The following MCM8 variants were observed in gnomAD, a reference collection of about 807,000 sequenced individuals.
The protein encoded by MCM8 is minichromosome maintenance 8 homologous recombination repair factor.
In MCM8, 85 loss-of-function variants were observed where a neutral mutation model predicts 98.9. The observed-to-expected ratio is 0.86, with a 90% CI of 0.72 to 1.03. The LOEUF is 1.03. Ranked by LOEUF, MCM8 falls within the 50% of genes least tolerant of loss-of-function variation. The pLI, the probability that MCM8 is intolerant of heterozygous loss-of-function variation, is 0.00. For synonymous variants in MCM8, 352 were observed against 338.6 expected, an observed-to-expected ratio of 1.04 and a Z score of -0.44; for missense variants, 951 against 997.8, an observed-to-expected ratio of 0.95 and a Z score of 0.63.
intron 17 of MCM8, among the ~76,000 whole-genome samples, chr20:5,991,832 A>G (rs2089858948): frequency 1.3e-5 from 2 of 152,168 alleles, no homozygotes. Flanking sequence ...GACCTTAGTA[A>G]TGATTCATTC....
intron 8 of MCM8, 124 bp from the exon 9 acceptor site, chr20:5,967,312 T>C: frequency 1.4e-6 from 1 of 732,770 alleles, no homozygotes; most frequent in Non-Finnish European, 2.1e-6. Flanking sequence ...AGATATACCA[T>C]TAAACTGTTA....
Position 5,952,452 on chromosome 20 carries a change from A to T in MCM8, c.177A>T (p.Thr59=). 2 of 1,614,000 alleles carry T rather than the reference A, an allele frequency of 1.2e-6. No individual in the cohort carries two copies. The highest frequency in any genetic ancestry group is 1.7e-6 in the Non-Finnish European group (2 of 1,179,988). The part of the protein sequence containing the change: ...SEQTPQFLLS[T]KTPQSMQSTL... ...AAACCCCACAGTTTTTGCTTTCAAC[A>T]AAGACCCCACAGTCAATGCAGTCAA... The change falls in exon 3 of 19, where the codon ACA becomes ACT. Residue 59 remains threonine (T), a synonymous_variant. Coordinates refer to ENST00000610722, the MANE Select transcript of MCM8 (RefSeq NM_032485.6).
intron 17 of MCM8, 57 bp from the exon 18 acceptor site, chr20:5,993,449 A>G: frequency 1.5e-6 from 2 of 1,367,286 alleles, no homozygotes; most frequent in South Asian, 2.0e-5. Context: ...AAAGCCCAGG[A>G]CAACAATTTC....
rs750790535 is a variant in MCM8 at position 5,955,270 on chromosome 20, C to G, written c.486+19C>G. On this transcript the variant is annotated intron_variant, in intron 5 of 18. Transcript: ENST00000610722. The stretch of plus-strand genomic sequence containing the variant: ...ACATCAGGTAACTATTTGTCTTATG[C>G]ATACTTTTGTCTAAACTTTTTTAAT... The G allele has an allele frequency of 6.2e-7, 1 of 1,602,954 alleles. No individual in the cohort carries two copies. Among genetic ancestry groups the G allele is most frequent in the Admixed American group, 1.7e-5 (1 of 57,332 alleles).
At chr20:5,954,366 T>G (rs930142856) in intron 3 of MCM8, among the ~76,000 whole-genome samples, 1 of 152,226 alleles carries the variant, frequency 6.6e-6, no homozygotes, top group African/African-American at 2.4e-5. Context: ...CAAAACAAAG[T>G]TTCCCAGATA....
intron 13 of MCM8, among the ~76,000 whole-genome samples, chr20:5,982,354 T>G (rs1003781348): frequency 6.6e-6 from 1 of 152,154 alleles, no homozygotes; most frequent in Non-Finnish European, 1.5e-5. Context: ...GACCCCCAGA[T>G]ACTAACCTAA....
Position 5,976,141 on chromosome 20 carries a change from A to C in MCM8, c.1396-1735A>C, listed in dbSNP as rs114884875. The stretch of plus-strand genomic sequence containing the variant: ...ATCCCATCTCTAAAAACAATTTTAA[A>C]AAAAATTAGGTGTGGTGGCATGTGC... On this transcript the variant is annotated intron_variant, in intron 12 of 18. Transcript: ENST00000610722. 6.1e-3 allele frequency among the ~76,000 whole-genome samples: 933 copies of C among 152,294 alleles called. 11 individuals are homozygous for C. Among genetic ancestry groups the C allele is most frequent in the African/African-American group, 0.021 (890 of 41,546 alleles).
chr20:5,972,611 G>C (rs776104822), intron 11 of MCM8: 45 of 464,448 alleles, frequency 9.7e-5, no homozygotes, highest in Non-Finnish European at 1.7e-4. Flanking sequence ...CTAGAGTACA[G>C]TGGTGCGATC....
At chr20:5,968,559 T>A (rs975879056) in intron 10 of MCM8, among the ~76,000 whole-genome samples, 7 of 151,950 alleles carry the variant, frequency 4.6e-5, no homozygotes, top group Non-Finnish European at 8.8e-5. Flanking sequence ...AAAAAAAAAA[T>A]TCTGATTTCA....
intron 13 of MCM8, among the ~76,000 whole-genome samples, chr20:5,981,336 C>T (rs1269914171): frequency 1.3e-5 from 2 of 152,144 alleles, no homozygotes; most frequent in African/African-American, 2.4e-5. Flanking sequence ...GATCTTAGCA[C>T]AGGCAGGGAA....
At chr20:5,982,881 A>T in intron 13 of MCM8, 89 bp from the exon 14 acceptor site, 1 of 1,085,244 alleles carries the variant, frequency 9.2e-7, no homozygotes, top group Non-Finnish European at 1.3e-6. Flanking sequence ...AAATGGAAAT[A>T]ATTATTGTGA....
intron 10 of MCM8, among the ~76,000 whole-genome samples, chr20:5,969,763 T>C (rs1033333250): frequency 6.6e-5 from 10 of 152,172 alleles, no homozygotes; most frequent in African/African-American, 2.4e-4. Context: ...TCCCTCTGAA[T>C]AAAAGCCATT....
intron 17 of MCM8, among the ~76,000 whole-genome samples, chr20:5,992,731 C>G (rs561299109): frequency 1.9e-4 from 29 of 152,246 alleles, no homozygotes; most frequent in Non-Finnish European, 3.8e-4. Flanking sequence ...AGGGATTATA[C>G]CTGTTTTGTT....
chr20:5,954,083 A>G lies in MCM8; in HGVS notation c.254-525A>G, dbSNP rs563651078. 7.9e-5 allele frequency among the ~76,000 whole-genome samples: 12 copies of G among 152,250 alleles called. No homozygotes were observed. In the South Asian group the frequency reaches 2.5e-3, roughly 32 times the overall value. On this transcript the variant is annotated intron_variant, in intron 3 of 18. Coordinates refer to ENST00000610722, the MANE Select transcript of MCM8 (RefSeq NM_032485.6). ...CTTAGCCTTCACCATCTGTGCTTCCAAACTACTTTATTGTACTGTTCTTCT... is the reference window on the plus strand; with the variant it reads ...CTTAGCCTTCACCATCTGTGCTTCCGAACTACTTTATTGTACTGTTCTTCT...
chr20:5,960,721 A>G (rs2089120387), intron 7 of MCM8, among the ~76,000 whole-genome samples: 1 of 151,906 alleles, frequency 6.6e-6, no homozygotes, highest in African/African-American at 2.4e-5. Context: ...AGATCACCTG[A>G]GGTCAGGAGT....
chr20:5,960,574 T>G (rs1045082545), intron 7 of MCM8, among the ~76,000 whole-genome samples: 4 of 152,252 alleles, frequency 2.6e-5, no homozygotes, highest in African/African-American at 9.6e-5. Context: ...TTGTACAGTT[T>G]TACATTTTGA....
At chr20:5,973,007 C>T (rs1048688988) in intron 11 of MCM8, 49 bp from the exon 12 acceptor site, 48 of 1,603,628 alleles carry the variant, frequency 3.0e-5, no homozygotes, top group Non-Finnish European at 3.7e-5. Context: ...TTACTAGTCA[C>T]CTTTATGTTT....
In MCM8 at chr20:5,995,100, T is replaced by G. The variant is rs1415351857; in HGVS notation, c.*709T>G. 6.5e-6 allele frequency: 1 copy of G among 153,578 alleles called. No individual in the cohort carries two copies. The highest frequency in any genetic ancestry group is 1.5e-5 in the Non-Finnish European group (1 of 68,910). The allele number at this position is 153,578 out of a possible 1,614,324, so 9.5% of individuals were successfully genotyped here. A position where few individuals can be genotyped will look rare whatever the true frequency, so the allele number is the denominator to read the frequency against. ...AGACAAATACATAAACCAATGAATA[T>G]ATTACATATTCTGTGTTCCAATAAA... is the stretch of plus-strand genomic sequence containing the variant. On this transcript the variant is annotated 3_prime_UTR_variant, in exon 19 of 19. Coordinates refer to ENST00000610722, the MANE Select transcript of MCM8 (RefSeq NM_032485.6).
intron 15 of MCM8, 135 bp downstream of exon 15, chr20:5,985,135 C>G: frequency 2.9e-6 from 2 of 690,950 alleles, no homozygotes; most frequent in Non-Finnish European, 4.8e-6. Flanking sequence ...CTAGAGTTTA[C>G]GTAAACTTCA....
Sources: gnomAD v4.1 joint callset for allele counts (sites outside exome capture counted in the v4.1 genomes callset) on GRCh38, gnomAD v4.1.1 for gene constraint, MANE v1.5 for transcripts, NCBI Gene and HGNC (gene_info 2026-07-23, HGNC 2026-07-21) for gene names.